The following EML4 variants were observed in gnomAD, a reference collection of about 807,000 sequenced individuals.
EML4 encodes EMAP like 4.
A neutral mutation model predicts 129.0 loss-of-function variants in EML4; 72 were observed. The ratio of observed to expected loss-of-function variants is 0.56; its 90% CI spans 0.46 to 0.68. The LOEUF is 0.68. EML4 is among the 30% of genes least tolerant of loss of function. The pLI is 0.00. For synonymous variants in EML4, 532 were observed against 405.0 expected, an observed-to-expected ratio of 1.31 and a Z score of -3.77; for missense variants, 1,363 against 1,190.6, an observed-to-expected ratio of 1.14 and a Z score of -2.13.
intron 1 of EML4, among the ~76,000 whole-genome samples, chr2:42,217,704 G>A (rs572795825): frequency 6.6e-6 from 1 of 152,192 alleles, no homozygotes; most frequent in Non-Finnish European, 1.5e-5. Context: ...TTAATGAGTA[G>A]TTAGGTAATT....
chr2:42,216,471 G>A (rs553012264), intron 1 of EML4, among the ~76,000 whole-genome samples: 2 of 151,740 alleles, frequency 1.3e-5, no homozygotes, highest in African/African-American at 2.4e-5. Flanking sequence ...TTGAACTCCT[G>A]ACGTCGTGAT....
intron 1 of EML4, among the ~76,000 whole-genome samples, chr2:42,204,835 G>C (rs994098694): frequency 6.6e-6 from 1 of 152,178 alleles, no homozygotes; most frequent in East Asian, 1.9e-4. Flanking sequence ...TAGTTAACTA[G>C]TTAACCTAGT....
chr2:42,231,976 T>A (rs72980825), intron 1 of EML4, among the ~76,000 whole-genome samples: 5,916 of 152,176 alleles, frequency 0.039, 364 homozygotes, highest in African/African-American at 0.13. Flanking sequence ...TATTTCTAAT[T>A]TCTGGTAGAT....
In EML4 at chr2:42,271,545, G is replaced by A. The variant is rs534950205; in HGVS notation, c.667+6814G>A. ...AAACTATCCCAACTTCTAAGAACAT[G>A]TTCTTGACATCCTCTTTCCTTATTT... On this transcript the variant is annotated intron_variant, in intron 6 of 22. Coordinates refer to ENST00000318522, the MANE Select transcript of EML4 (RefSeq NM_019063.5). Among the ~76,000 whole-genome samples, 241 of 152,262 alleles carry A rather than the reference G, an allele frequency of 1.6e-3. 1 individual carries two copies. Among genetic ancestry groups the A allele is most frequent in the African/African-American group, 5.6e-3 (233 of 41,546 alleles).
At chr2:42,297,165 T>G (rs1668004986) in intron 13 of EML4, among the ~76,000 whole-genome samples, 1 of 152,186 alleles carries the variant, frequency 6.6e-6, no homozygotes, top group Admixed American at 6.5e-5. Context: ...TCTTAAAAAA[T>G]AGAGTTACAA....
intron 17 of EML4, 102 bp downstream of exon 17, chr2:42,304,653 C>T (rs1014917676): frequency 4.6e-6 from 4 of 874,102 alleles, no homozygotes; most frequent in African/African-American, 3.3e-5. Context: ...TCTTAAGTGG[C>T]ACACTAATAT....
Position 42,222,024 on chromosome 2 carries a change from C to T in EML4, c.26-23481C>T, listed in dbSNP as rs919119393. On this transcript the variant is annotated intron_variant, in intron 1 of 22. Coordinates refer to ENST00000318522, the MANE Select transcript of EML4 (RefSeq NM_019063.5). ...CTGGGATTACAGGTGTGAGCCTCTG[C>T]ACCTGGCCTAAAGTTGTCTTCTTCT... Among the ~76,000 whole-genome samples the T allele has an allele frequency of 2.0e-5, 3 of 152,036 alleles. 1 individual carries two copies. The highest frequency in any genetic ancestry group is 4.1e-4 in the South Asian group (2 of 4,824).
At chr2:42,272,650 A>G (rs1421459504) in intron 6 of EML4, among the ~76,000 whole-genome samples, 1 of 152,206 alleles carries the variant, frequency 6.6e-6, no homozygotes. Flanking sequence ...AAGACTGAAA[A>G]ATTTCTGGTT....
At chr2:42,249,047 G>A (rs1412924272) in intron 2 of EML4, among the ~76,000 whole-genome samples, 1 of 152,042 alleles carries the variant, frequency 6.6e-6, no homozygotes, top group Non-Finnish European at 1.5e-5. Flanking sequence ...AAAGCAATTG[G>A]AATTTAAGTG....
At chr2:42,177,361 C>T (rs567572418) in intron 1 of EML4, among the ~76,000 whole-genome samples, 1 of 152,074 alleles carries the variant, frequency 6.6e-6, no homozygotes, top group South Asian at 2.1e-4. Flanking sequence ...TGGCTCACGC[C>T]TGTAATCCCA....
At chr2:42,244,143 G>C (rs1427832372) in intron 1 of EML4, among the ~76,000 whole-genome samples, 1 of 143,150 alleles carries the variant, frequency 7.0e-6, no homozygotes, top group African/African-American at 2.7e-5. Flanking sequence ...TCTGTTGCCA[G>C]GCTGGAGTGC....
chr2:42,223,832 T>A (rs1673776198), intron 1 of EML4, among the ~76,000 whole-genome samples: 1 of 152,156 alleles, frequency 6.6e-6, no homozygotes, highest in South Asian at 2.1e-4. Context: ...AAGTTGAAGT[T>A]GCCCTTATCA....
intron 6 of EML4, among the ~76,000 whole-genome samples, chr2:42,277,687 G>C (rs1666735064): frequency 6.6e-6 from 1 of 151,320 alleles, no homozygotes; most frequent in African/African-American, 2.4e-5. Flanking sequence ...TCCTGCCTCA[G>C]CCTTCCGAGT....
At chr2:42,176,531 C>G (rs2103811183) in intron 1 of EML4, among the ~76,000 whole-genome samples, 1 of 152,326 alleles carries the variant, frequency 6.6e-6, no homozygotes, top group East Asian at 1.9e-4. Flanking sequence ...TGACCTATTT[C>G]TTATTCCTCA....
Position 42,284,641 on chromosome 2 carries a change from A to G in EML4, c.949A>G (p.Ile317Val), listed in dbSNP as rs199546776. 51 of 1,612,006 alleles carry G rather than the reference A, an allele frequency of 3.2e-5. No individual in the cohort carries two copies. The highest frequency in any genetic ancestry group is 1.7e-4 in the Middle Eastern group (1 of 6,058). Residue 317 changes from isoleucine (I) to valine (V), a missense_variant, in exon 9 of 23, where the codon ATA becomes GTA. By Grantham distance (29) the Ile-to-Val change is conservative. Coordinates refer to ENST00000318522, the MANE Select transcript of EML4 (RefSeq NM_019063.5). ...GHTDCVKCLA[I>V]HPDKIRIATG... ...CTTAATACTGCTTTTTAGCCTTGCT[A>G]TACATCCTGACAAAATTAGGATTGC...
intron 1 of EML4, among the ~76,000 whole-genome samples, chr2:42,217,823 T>A (rs1359535404): frequency 2.0e-5 from 3 of 152,218 alleles, no homozygotes; most frequent in Non-Finnish European, 4.4e-5. Context: ...TGGTCTGAAT[T>A]TGATCTCCTT....
intron 13 of EML4, among the ~76,000 whole-genome samples, chr2:42,299,673 G>C (rs1232963462): frequency 6.6e-6 from 1 of 151,810 alleles, no homozygotes; most frequent in Non-Finnish European, 1.5e-5. Context: ...CTTTCACTTA[G>C]TTTTTTTTGT....
intron 14 of EML4, among the ~76,000 whole-genome samples, chr2:42,302,299 T>G (rs575071459): frequency 3.9e-4 from 60 of 152,258 alleles, no homozygotes; most frequent in African/African-American, 1.4e-3. Context: ...CCAGTCAGGG[T>G]AGTTAGTATG....
chr2:42,240,442 A>T (rs1053716290), intron 1 of EML4, among the ~76,000 whole-genome samples: 1 of 152,016 alleles, frequency 6.6e-6, no homozygotes, highest in Non-Finnish European at 1.5e-5. Flanking sequence ...GTGTGTGTAT[A>T]TGTGTGTTTT....
Sources: allele counts gnomAD v4.1 joint callset (sites outside exome capture counted in the v4.1 genomes callset), GRCh38; gene constraint gnomAD v4.1.1; transcripts MANE v1.5; gene names NCBI Gene and HGNC (gene_info 2026-07-23, HGNC 2026-07-21).